Variants in KIF7 observed in about 807,000 individuals in gnomAD.
KIF7 encodes the protein kinesin-like protein KIF7.
In KIF7, 104 loss-of-function variants were observed where a neutral mutation model predicts 135.7. The ratio of observed to expected loss-of-function variants is 0.77; its 90% CI spans 0.65 to 0.90. The LOEUF (loss-of-function observed/expected upper bound fraction) is 0.90, where lower values mean the gene tolerates loss of function less well. Ranked by LOEUF, KIF7 falls within the 40% of genes least tolerant of loss-of-function variation. The pLI, the probability that KIF7 is intolerant of heterozygous loss-of-function variation, is 0.00. For missense variants in KIF7, 2,005 were observed against 1,839.1 expected, an observed-to-expected ratio of 1.09 and a Z score of -1.65; for synonymous variants, 883 against 809.4, an observed-to-expected ratio of 1.09 and a Z score of -1.54.
chr15:89,626,033 A>C, downstream of KIF7: 1 of 1,613,812 alleles, frequency 6.2e-7, no homozygotes, highest in Non-Finnish European at 8.5e-7. Context: ...AGGGGAAAAC[A>C]CCTTCCTCTC....
At chr15:89,633,379 G>C in intron 12 of KIF7, 113 bp from the exon 13 acceptor site, 1 of 1,387,976 alleles carries the variant, frequency 7.2e-7, no homozygotes, top group Non-Finnish European at 9.9e-7. Context: ...AGGGCCCTGC[G>C]AAGTGTCCCC....
intron 1 of KIF7, among the ~76,000 whole-genome samples, chr15:89,654,817 T>TC (rs928855160): frequency 6.6e-6 from 1 of 152,308 alleles, no homozygotes; most frequent in African/African-American, 2.4e-5. Flanking sequence ...TCAACCTCTC[T>TC]CTCAGCACAG....
downstream of KIF7, among the ~76,000 whole-genome samples, chr15:89,626,226 A>G (rs79239639): frequency 0.015 from 2,271 of 152,296 alleles, 68 homozygotes; most frequent in African/African-American, 0.053. Context: ...GAAACTCCAC[A>G]TTAGAACTTG....
chr15:89,624,661 G>A, downstream of KIF7: 1 of 1,614,042 alleles, frequency 6.2e-7, no homozygotes, highest in Non-Finnish European at 8.5e-7. Flanking sequence ...TGATTGGCAT[G>A]CATCCTCTCC....
rs546772749 is a variant in KIF7 at position 89,628,696 on chromosome 15, G to T, written c.3755C>A (p.Ser1252Tyr). ...GCGGGGGGCCCCCTCAGTGAGGGGG[G>T]ACAGCCAGAGAAGCTCGGGTGCCAG... ...LHLAPELLWLSPLTEGAPRTR... is the reference protein window; with the variant it reads ...LHLAPELLWLYPLTEGAPRTR... Residue 1252 changes from serine to tyrosine, a missense_variant, in exon 19 of 19, where the codon TCC becomes TAC. Ser to Tyr is a moderately radical substitution (Grantham distance 144). Transcript: ENST00000394412. The T allele has an allele frequency of 4.3e-6, 7 of 1,613,024 alleles. No homozygotes were observed. In the South Asian group the frequency reaches 6.6e-5, roughly 15 times the overall value.
intron 15 of KIF7, chr15:89,630,844 AGAAAT>A: frequency 2.4e-6 from 1 of 409,792 alleles, no homozygotes; most frequent in Non-Finnish European, 4.6e-6. Flanking sequence ...ATACGTTCTA[AGAAAT>A]GCATCATTAG....
At chr15:89,633,023 G>GGAGGGAGGGAGA (rs766183439) in intron 13 of KIF7, 27 bp from the exon 14 acceptor site, 1 of 1,588,168 alleles carries the variant, frequency 6.3e-7, no homozygotes, top group African/African-American at 1.3e-5. Flanking sequence ...AGGGAGGGAG[G>GGAGGGAGGGAGA]GAACTCAGGG....
chr15:89,638,196 T>TACTG (rs199958266), intron 11 of KIF7, among the ~76,000 whole-genome samples: 46,490 of 104,280 alleles, frequency 0.45, 11,542 homozygotes, highest in Non-Finnish European at 0.5. Context: ...GCCAGTATCA[T>TACTG]AATGGGCAAA....
chr15:89,646,138 C>A (rs2142023605), intron 7 of KIF7, 112 bp from the exon 8 acceptor site: 1 of 1,370,162 alleles, frequency 7.3e-7, no homozygotes, highest in East Asian at 2.3e-5. Context: ...CTTCGTGATC[C>A]AGCTCAAATG....
chr15:89,627,063 G>A (rs1963543204), downstream of KIF7: 2 of 1,614,096 alleles, frequency 1.2e-6, no homozygotes, highest in Non-Finnish European at 1.7e-6. Flanking sequence ...GAAGCTCATG[G>A]GAACCTGGCT....
intron 1 of KIF7, among the ~76,000 whole-genome samples, chr15:89,653,157 A>G (rs1055538512): frequency 6.6e-6 from 1 of 152,228 alleles, no homozygotes; most frequent in African/African-American, 2.4e-5. Context: ...CCACAGGAAC[A>G]TGTCATGGCT....
rs370083276 is a variant in KIF7, at chr15:89,645,414, G to A, written c.1960C>T (p.Arg654Cys). 2.4e-5 allele frequency: 39 copies of A among 1,613,818 alleles called. No homozygotes were observed. The highest frequency in any genetic ancestry group is 7.7e-5 in the South Asian group (7 of 91,078). The change falls in exon 9 of 19, where the codon CGC becomes TGC. Residue 654 changes from arginine to cysteine, a missense_variant. Arg to Cys is a radical substitution (Grantham distance 180, BLOSUM62 -3). Coordinates refer to ENST00000394412, the MANE Select transcript of KIF7 (RefSeq NM_198525.3). Reference sequence around the variant, plus strand: ...TTCCTCTCTGGCAGACTCCCTGGGCGTGCCCCCGCCCTCTGACTGCAGTTG... The same window carrying A: ...TTCCTCTCTGGCAGACTCCCTGGGCATGCCCCCGCCCTCTGACTGCAGTTG... ...ISNCSQRAGARPGSLPERKGP... is the reference protein window; with the variant it reads ...ISNCSQRAGACPGSLPERKGP...
downstream of KIF7, chr15:89,626,913 C>T (rs575663930): frequency 8.1e-6 from 13 of 1,597,214 alleles, no homozygotes; most frequent in Non-Finnish European, 1.0e-5. Context: ...TCAGTTCGGT[C>T]CTCTGTGACT....
At position 89,633,667 on chromosome 15, in the gene KIF7, A is replaced by G. The variant is rs747370830; in HGVS notation, c.2592+19T>C. On this transcript the variant is annotated intron_variant, in intron 12 of 18. Coordinates refer to ENST00000394412, the MANE Select transcript of KIF7 (RefSeq NM_198525.3). ...CTATTGGCCTGGACAGAAGGTCCCC[A>G]CCCTGCCGTGAGCCTGACCTTGACG... 11 of 1,601,608 alleles carry G rather than the reference A, an allele frequency of 6.9e-6. No individual in the cohort carries two copies. In the South Asian group the frequency reaches 9.9e-5, roughly 14 times the overall value.
chr15:89,617,880 C>T (rs192317185), intron 2 of KIF7: 66 of 327,198 alleles, frequency 2.0e-4, no homozygotes, highest in Admixed American at 3.5e-4. Context: ...TTAATAGAGT[C>T]GGGGTTTCAC....
Position 89,632,902 on chromosome 15 carries a change from T to C in KIF7, c.2813A>G (p.Lys938Arg). The change falls in exon 14 of 19, where the codon AAG becomes AGG. Residue 938 changes from lysine (K) to arginine (R), a missense_variant. Physicochemically the swap from Lys to Arg is conservative, Grantham distance 26 (BLOSUM62 2). Transcript: ENST00000394412. The stretch of plus-strand genomic sequence containing the variant: ...CTTCTTGGCCAGGATGGCCTCCCGC[T>C]TGTGGAGCTCCTCCCCCAGCTCCTC... ...ALEELGEELHKREAILAKKEA... is the reference protein window; with the variant it reads ...ALEELGEELHRREAILAKKEA... 2 of 1,610,146 alleles carry C rather than the reference T, an allele frequency of 1.2e-6. No homozygotes were observed. Among genetic ancestry groups the C allele is most frequent in the Non-Finnish European group, 1.7e-6 (2 of 1,179,766 alleles).
chr15:89,622,649 C>T (rs986352236), intron 1 of KIF7, among the ~76,000 whole-genome samples: 1 of 152,182 alleles, frequency 6.6e-6, no homozygotes, highest in Non-Finnish European at 1.5e-5. Flanking sequence ...CAGTCTCCTC[C>T]CCCAGGCAGG....
In KIF7 at chr15:89,646,018, T is replaced by C. The variant is rs780099163; in HGVS notation, c.1797A>G (p.Thr599=). 6.2e-7 allele frequency: 1 copy of C among 1,613,902 alleles called. No homozygotes were observed. Among genetic ancestry groups the C allele is most frequent in the Non-Finnish European group, 8.5e-7 (1 of 1,179,978 alleles). ...ACTCAGCTCCAGCCTCCCTGCCATT[T>C]GTCACCTGCTAGGGGAGTGAGCCAT... is the stretch of plus-strand genomic sequence containing the variant. ...VGSEQRGEQV[T]NGREAGAELL... The change falls in exon 8 of 19, where the codon ACA becomes ACG. Residue 599 remains threonine, a synonymous_variant. Transcript: ENST00000394412.
At chr15:89,652,477 A>G (rs1202198940) in intron 2 of KIF7, 126 bp downstream of exon 2, 3 of 768,230 alleles carry the variant, frequency 3.9e-6, no homozygotes, top group Non-Finnish European at 6.3e-6. Context: ...CTGTCTAGGA[A>G]ATCGACTCTT....
Sources: allele counts gnomAD v4.1 joint callset (sites outside exome capture counted in the v4.1 genomes callset), GRCh38; gene constraint gnomAD v4.1.1; transcripts MANE v1.5; gene names NCBI Gene and HGNC (gene_info 2026-07-23, HGNC 2026-07-21).